Variants in LRMDA observed in about 807,000 individuals in gnomAD.
LRMDA encodes the protein leucine-rich melanocyte differentiation-associated protein.
LRMDA carries 18 observed loss-of-function variants against 29.8 expected under a neutral mutation model. The observed-to-expected ratio is 0.60, with a 90% CI of 0.42 to 0.90. LRMDA has a LOEUF of 0.90. LRMDA is among the 40% of genes least tolerant of loss of function. The probability of loss-of-function intolerance (pLI) is 0.00; values close to 1 mark genes in which losing one functional copy is unlikely to be tolerated. For missense variants in LRMDA, 273 were observed against 273.9 expected (o/e 1.00, Z 0.02); for synonymous variants, 125 against 109.4 (o/e 1.14, Z -0.89).
chr10:75,983,081 G>A (rs1847201632), intron 2 of LRMDA, among the ~76,000 whole-genome samples: 1 of 152,152 alleles, frequency 6.6e-6, no homozygotes, highest in East Asian at 1.9e-4. Flanking sequence ...GGACCACATT[G>A]CCTCCTTTGC....
chr10:76,518,243 C>T (rs1564564736), intron 6 of LRMDA, among the ~76,000 whole-genome samples: 1 of 151,396 alleles, frequency 6.6e-6, no homozygotes, highest in Non-Finnish European at 1.5e-5. Context: ...TGTCTATCTA[C>T]CTACCTACCT....
rs1390878408 is a variant in LRMDA at position 76,159,112 on chromosome 10, C to G, written c.516+100329C>G. On this transcript the variant is annotated intron_variant, in intron 5 of 6. Transcript: ENST00000611255. The stretch of plus-strand genomic sequence containing the variant: ...AGATGTTGAACTTTAAAAACTGATT[C>G]GTGTTCTTTATTTTTTAATTTGGAA... Among the ~76,000 whole-genome samples the G allele has an allele frequency of 3.3e-5, 5 of 152,150 alleles. No individual in the cohort carries two copies. The South Asian group carries it at 8.3e-4, about 25-fold the overall frequency.
chr10:75,999,293 A>G (rs1847522400), intron 2 of LRMDA, among the ~76,000 whole-genome samples: 1 of 152,340 alleles, frequency 6.6e-6, no homozygotes, highest in Admixed American at 6.5e-5. Flanking sequence ...CAGAATTAGT[A>G]GTAGAGAACT....
intron 2 of LRMDA, chr10:75,643,235 C>A (rs1841476328): frequency 6.6e-6 from 1 of 151,970 alleles, no homozygotes; most frequent in Non-Finnish European, 1.5e-5. Context: ...TCCATGCTAA[C>A]TCTGGAAGAA....
chr10:76,142,433 T>G (rs1192544150), intron 5 of LRMDA, among the ~76,000 whole-genome samples: 1 of 152,102 alleles, frequency 6.6e-6, no homozygotes, highest in Non-Finnish European at 1.5e-5. Flanking sequence ...AATATTTAAC[T>G]ACAAATACAT....
intron 2 of LRMDA, among the ~76,000 whole-genome samples, chr10:75,776,263 T>G (rs912925412): frequency 7.2e-5 from 11 of 152,302 alleles, no homozygotes; most frequent in Admixed American, 6.5e-4. Flanking sequence ...CTTGAGAATT[T>G]GGGTCCTGGA....
At chr10:76,432,225 C>A (rs1418807606) in intron 6 of LRMDA, among the ~76,000 whole-genome samples, 1 of 152,076 alleles carries the variant, frequency 6.6e-6, no homozygotes, top group Non-Finnish European at 1.5e-5. Context: ...GGGTGTGGGC[C>A]TGGGGGTGCT....
intron 2 of LRMDA, among the ~76,000 whole-genome samples, chr10:75,804,728 T>A (rs958893503): frequency 6.6e-5 from 10 of 152,190 alleles, no homozygotes; most frequent in Non-Finnish European, 1.3e-4. Flanking sequence ...TTCATAGAAT[T>A]TGGGCTGGCA....
At chr10:76,171,240 A>G (rs534481302) in intron 5 of LRMDA, among the ~76,000 whole-genome samples, 2 of 152,302 alleles carry the variant, frequency 1.3e-5, no homozygotes, top group South Asian at 4.1e-4. Context: ...GGTTCAAGCA[A>G]TTCTCCTGCC....
chr10:75,919,534 G>A (rs1234736337), intron 2 of LRMDA, among the ~76,000 whole-genome samples: 2 of 152,116 alleles, frequency 1.3e-5, no homozygotes, highest in Non-Finnish European at 2.9e-5. Context: ...TTAGGGTTTT[G>A]CCTACTCAGT....
At chr10:75,758,963 T>C (rs1309315262) in intron 2 of LRMDA, among the ~76,000 whole-genome samples, 1 of 152,166 alleles carries the variant, frequency 6.6e-6, no homozygotes, top group African/African-American at 2.4e-5. Flanking sequence ...TTTTTTTTTT[T>C]TCGTCAAGAA....
At chr10:76,324,304 C>T (rs983112337) in intron 5 of LRMDA, 97 bp from the exon 6 acceptor site, 1 of 1,052,502 alleles carries the variant, frequency 9.5e-7, no homozygotes, top group African/African-American at 1.6e-5. Context: ...AATATTTTCT[C>T]CAAGCTCAGA....
intron 3 of LRMDA, among the ~76,000 whole-genome samples, chr10:76,043,176 G>T (rs561664395): frequency 1.3e-5 from 2 of 152,262 alleles, no homozygotes; most frequent in African/African-American, 4.8e-5. Flanking sequence ...GTGTAGGCAT[G>T]TATACATACA....
chr10:76,518,297 A>G (rs1843083288), intron 6 of LRMDA, among the ~76,000 whole-genome samples: 1 of 150,150 alleles, frequency 6.7e-6, no homozygotes, highest in Admixed American at 6.6e-5. Flanking sequence ...CTATCTATCT[A>G]TCTATCTATC....
intron 5 of LRMDA, among the ~76,000 whole-genome samples, chr10:76,299,603 C>CTTT (rs34214231): frequency 9.7e-4 from 97 of 99,536 alleles, no homozygotes; most frequent in African/African-American, 4.1e-3. Flanking sequence ...CCCTTCCTTT[C>CTTT]TTTTTTTTTT....
At chr10:76,345,212 G>T (rs1360648274) in intron 6 of LRMDA, among the ~76,000 whole-genome samples, 1 of 149,404 alleles carries the variant, frequency 6.7e-6, no homozygotes, top group Non-Finnish European at 1.5e-5. Flanking sequence ...GACTACAGGC[G>T]CCCGCTACCA....
At chr10:75,869,029 C>T (rs115462054) in intron 2 of LRMDA, among the ~76,000 whole-genome samples, 1,666 of 152,228 alleles carry the variant, frequency 0.011, 38 homozygotes, top group African/African-American at 0.038. Context: ...AGTTGAGTGC[C>T]CCTGAAATCA....
At chr10:75,438,073 G>A (rs1157832477) in intron 1 of LRMDA, among the ~76,000 whole-genome samples, 1 of 152,218 alleles carries the variant, frequency 6.6e-6, no homozygotes, top group Non-Finnish European at 1.5e-5. Flanking sequence ...GTGAGAGGGC[G>A]ATTGTTGCGG....
At chr10:76,451,235 T>C (rs1177684910) in intron 6 of LRMDA, among the ~76,000 whole-genome samples, 2 of 152,046 alleles carry the variant, frequency 1.3e-5, no homozygotes, top group Admixed American at 1.3e-4. Context: ...AGAGTCTCGC[T>C]CTATCGCCCA....
Sources: gnomAD v4.1 joint callset for allele counts (sites outside exome capture counted in the v4.1 genomes callset) on GRCh38, gnomAD v4.1.1 for gene constraint, MANE v1.5 for transcripts, NCBI Gene and HGNC (gene_info 2026-07-23, HGNC 2026-07-21) for gene names.